The following EFR3B variants were observed in gnomAD, a reference collection of about 807,000 sequenced individuals.
EFR3B encodes the protein protein EFR3 homolog B.
Under a neutral mutation model 104.7 loss-of-function variants are expected in EFR3B, and 64 were observed. The observed-to-expected ratio is 0.61, with a 90% CI of 0.50 to 0.75. EFR3B has a LOEUF of 0.75. Ranked by LOEUF, EFR3B falls within the 30% of genes least tolerant of loss-of-function variation. The probability of loss-of-function intolerance (pLI) is 0.00; values close to 1 mark genes in which losing one functional copy is unlikely to be tolerated. For missense variants in EFR3B, 750 were observed against 1,078.5 expected (o/e 0.70, Z 4.27); for synonymous variants, 385 against 417.9 (o/e 0.92, Z 0.96).
At chr2:25,072,247 T>G (rs1668519652) in intron 1 of EFR3B, among the ~76,000 whole-genome samples, 1 of 145,954 alleles carries the variant, frequency 6.9e-6, no homozygotes, top group African/African-American at 2.6e-5. Flanking sequence ...CTGTTCTCTT[T>G]CCCCACCACC....
chr2:25,133,283 A>G, intron 11 of EFR3B, 100 bp from the exon 12 acceptor site: 2 of 1,296,882 alleles, frequency 1.5e-6, no homozygotes, highest in Non-Finnish European at 2.2e-6. Flanking sequence ...CCAACACGAT[A>G]AGCCTCATGG....
Position 25,131,941 on chromosome 2 carries a change from C to A in EFR3B, c.1147+30C>A, listed in dbSNP as rs1323396879. On this transcript the variant is annotated intron_variant, in intron 10 of 22. Coordinates refer to ENST00000403714, the MANE Select transcript of EFR3B (RefSeq NM_014971.2). This position sits in a 1 kb window ranked among gnomAD's most constrained non-coding sequence, Gnocchi z 7.6. ...GGCGCGGGGCCGGGCCGGGGCGGGG[C>A]GGGGCCGAGGCGCGGAGTGGGGAGG... The A allele has an allele frequency of 4.3e-4, 95 of 223,522 alleles. No homozygotes were observed. Among genetic ancestry groups the A allele is most frequent in the Non-Finnish European group, 6.2e-4 (92 of 149,088 alleles). The allele number at this position is 223,522 out of a possible 1,614,324, so 13.8% of individuals were successfully genotyped here. A position where few individuals can be genotyped will look rare whatever the true frequency, so the allele number is the denominator to read the frequency against.
intron 4 of EFR3B, among the ~76,000 whole-genome samples, chr2:25,115,061 G>C (rs2149197549): frequency 6.6e-6 from 1 of 152,258 alleles, no homozygotes; most frequent in Admixed American, 6.5e-5. Context: ...CATACCTGTG[G>C]TTCCAGCTAC....
At chr2:25,144,193 G>C in intron 18 of EFR3B, among the ~76,000 whole-genome samples, 1 of 152,176 alleles carries the variant, frequency 6.6e-6, no homozygotes, top group East Asian at 1.9e-4. Context: ...AAAGATCTTA[G>C]ACAAGTCCTT....
chr2:25,132,565 G>A (rs961093613), intron 10 of EFR3B, among the ~76,000 whole-genome samples: 2 of 152,058 alleles, frequency 1.3e-5, no homozygotes, highest in African/African-American at 2.4e-5. Flanking sequence ...AGTGAAAGAA[G>A]CACCCAACGA....
intron 1 of EFR3B, among the ~76,000 whole-genome samples, chr2:25,048,846 G>A (rs1667791219): frequency 6.6e-6 from 1 of 152,166 alleles, no homozygotes; most frequent in Admixed American, 6.5e-5. Context: ...CCCGGGCCCA[G>A]GTGTCTTTTC....
At chr2:25,147,403 C>A (rs1264666598) in intron 19 of EFR3B, 3 of 152,242 alleles carry the variant, frequency 2.0e-5, no homozygotes, top group African/African-American at 7.2e-5. Context: ...TATAGACTCA[C>A]CTACAGTCCT....
intron 4 of EFR3B, among the ~76,000 whole-genome samples, chr2:25,112,713 C>T (rs1018392274): frequency 2.6e-5 from 4 of 152,216 alleles, no homozygotes; most frequent in African/African-American, 9.7e-5. Context: ...GCTGATTTTT[C>T]TACCCAGATT....
intron 2 of EFR3B, 142 bp from the exon 3 acceptor site, chr2:25,092,861 C>G (rs1669170561): frequency 1.9e-6 from 2 of 1,063,938 alleles, no homozygotes; most frequent in Admixed American, 5.7e-5. Context: ...ATCTGCCTGT[C>G]TCTGAAACCC....
chr2:25,077,587 C>A (rs2149177597), intron 1 of EFR3B, among the ~76,000 whole-genome samples: 1 of 152,320 alleles, frequency 6.6e-6, no homozygotes, highest in African/African-American at 2.4e-5. Flanking sequence ...CCATGCCTGG[C>A]CGAAAGGCCT....
chr2:25,055,661 CAATAATCCCTAAA>C (rs1268433816), intron 1 of EFR3B, among the ~76,000 whole-genome samples: 1 of 152,180 alleles, frequency 6.6e-6, no homozygotes, highest in Non-Finnish European at 1.5e-5. Context: ...ATTGCATGAA[CAATAATCCCTAAA>C]TTACGAGAAC....
intron 19 of EFR3B, chr2:25,146,325 C>G (rs925266340): frequency 6.6e-6 from 1 of 152,096 alleles, no homozygotes; most frequent in Non-Finnish European, 1.5e-5. Flanking sequence ...CAAGCCTCCC[C>G]CTAACTGTGC....
At chr2:25,047,389 G>A (rs969977937) in intron 1 of EFR3B, among the ~76,000 whole-genome samples, 2 of 152,150 alleles carry the variant, frequency 1.3e-5, no homozygotes, top group African/African-American at 4.8e-5. Flanking sequence ...CTGGAAAGAT[G>A]ACAGCAGTGT....
At chr2:25,099,844 T>C (rs13383050) in intron 3 of EFR3B, among the ~76,000 whole-genome samples, 16,061 of 149,348 alleles carry the variant, frequency 0.11, 2,093 homozygotes, top group African/African-American at 0.32. Context: ...ATCCTCCCTG[T>C]GCTTTCTGTT....
chr2:25,149,107 T>C (rs1670931849), intron 19 of EFR3B, among the ~76,000 whole-genome samples: 3 of 152,056 alleles, frequency 2.0e-5, no homozygotes, highest in Admixed American at 2.0e-4. Flanking sequence ...TCCCAGCACT[T>C]TGGGAGGCCG....
In EFR3B at chr2:25,131,669, A is replaced by G; in HGVS notation, c.986-81A>G. 6.7e-7 allele frequency: 1 copy of G among 1,481,550 alleles called. No individual in the cohort carries two copies. The highest frequency in any genetic ancestry group is 9.0e-7 in the Non-Finnish European group (1 of 1,110,424). The allele number at this position is 1,481,550 out of a possible 1,614,324, so 91.8% of individuals were successfully genotyped here. A position where few individuals can be genotyped will look rare whatever the true frequency, so the allele number is the denominator to read the frequency against. The stretch of plus-strand genomic sequence containing the variant: ...GAAGCCCAGGCTGGAAGGGGGCGTG[A>G]CCCTGCCCTGCCTGCGCGCGGTGCA... On this transcript the variant is annotated intron_variant, in intron 9 of 22. Coordinates refer to ENST00000403714, the MANE Select transcript of EFR3B (RefSeq NM_014971.2). This position sits in a 1 kb window ranked among gnomAD's most constrained non-coding sequence, Gnocchi z 7.6.
rs980376063 is a variant in EFR3B, at chr2:25,144,890, T to G, written c.2051-70T>G. The G allele has an allele frequency of 5.2e-6, 7 of 1,357,838 alleles. No homozygotes were observed. The African/African-American group carries it at 8.7e-5, about 17-fold the overall frequency. The allele number at this position is 1,357,838 out of a possible 1,614,324, so 84.1% of individuals were successfully genotyped here. ...AAGCAAAGGCAGAGGGGTAGGGAGG[T>G]GGGACTAGCAGCTCAGTCCTGGATC... On this transcript the variant is annotated intron_variant, in intron 18 of 22. Transcript: ENST00000403714.
chr2:25,102,984 A>C (rs1669464937), intron 3 of EFR3B, among the ~76,000 whole-genome samples: 1 of 152,152 alleles, frequency 6.6e-6, no homozygotes, highest in Non-Finnish European at 1.5e-5. Flanking sequence ...TTTCAAACAC[A>C]ATACCTGCAA....
Position 25,152,025 on chromosome 2 carries a change from G to C in EFR3B, c.2298+5G>C, listed in dbSNP as rs1310273871. ...GCTGCACACTGCGGGGCCCGGGTAA[G>C]TGAAGCATGACATGGGCGAGTCCCT... On this transcript the variant is annotated splice_donor_5th_base_variant and intron_variant, in intron 21 of 22. Coordinates refer to ENST00000403714, the MANE Select transcript of EFR3B (RefSeq NM_014971.2). 6.4e-7 allele frequency: 1 copy of C among 1,551,416 alleles called. No individual in the cohort carries two copies. The highest frequency in any genetic ancestry group is 8.7e-7 in the Non-Finnish European group (1 of 1,146,886).
Sources: gnomAD v4.1 joint callset for allele counts (sites outside exome capture counted in the v4.1 genomes callset) on GRCh38, gnomAD v4.1.1 for gene constraint, Gnocchi (gnomAD v3.1) non-coding constraint, MANE v1.5 for transcripts, NCBI Gene and HGNC (gene_info 2026-07-23, HGNC 2026-07-21) for gene names.